The following SGCD variants were observed in gnomAD, a reference collection of about 807,000 sequenced individuals.
The protein encoded by SGCD is delta-sarcoglycan.
In SGCD, 18 loss-of-function variants were observed where a neutral mutation model predicts 36.6. The observed-to-expected ratio is 0.49, with a 90% CI of 0.34 to 0.73. The LOEUF (loss-of-function observed/expected upper bound fraction) is 0.73. Ranked by LOEUF, SGCD falls within the 30% of genes least tolerant of loss-of-function variation. The pLI is 0.01. For missense variants in SGCD, 387 were observed against 346.7 expected, an observed-to-expected ratio of 1.12 and a Z score of -0.92; for synonymous variants, 133 against 130.6, an observed-to-expected ratio of 1.02 and a Z score of -0.12.
chr5:155,766,021 GA>G, the SGCD span, among the ~76,000 whole-genome samples: 1 of 152,208 alleles, frequency 6.6e-6, no homozygotes, highest in South Asian at 2.1e-4. Context: ...ATTTTAAAGG[GA>G]TCCTACCCAT....
intron 3 of SGCD, among the ~76,000 whole-genome samples, chr5:156,223,429 G>T (rs756798826): frequency 6.6e-6 from 1 of 152,122 alleles, no homozygotes. Context: ...ATGTAAGCAA[G>T]CTGAGTTAAC....
At chr5:156,653,493 CTTTT>C (rs111458843) in intron 7 of SGCD, among the ~76,000 whole-genome samples, 6 of 48,102 alleles carry the variant, frequency 1.2e-4, no homozygotes, top group Admixed American at 7.4e-4. Context: ...CTAAAGCTTG[CTTTT>C]TTTTTTTTTT....
the SGCD span, among the ~76,000 whole-genome samples, chr5:155,730,331 C>G: frequency 9.2e-5 from 14 of 152,100 alleles, no homozygotes; most frequent in Non-Finnish European, 1.8e-4. Context: ...CTTCTTCATT[C>G]CTCGGCTTAC....
the SGCD span, among the ~76,000 whole-genome samples, chr5:155,829,314 T>C: frequency 6.7e-6 from 1 of 150,164 alleles, no homozygotes; most frequent in Non-Finnish European, 1.5e-5. Flanking sequence ...CATTGCTCCA[T>C]GTTGAAGTGA....
chr5:155,793,546 C>CT, the SGCD span, among the ~76,000 whole-genome samples: 746 of 139,564 alleles, frequency 5.3e-3, 9 homozygotes, highest in South Asian at 0.015. Context: ...GTTTTTTTTT[C>CT]TTTTTTTTTT....
intron 7 of SGCD, among the ~76,000 whole-genome samples, chr5:156,648,355 A>G (rs1227260365): frequency 2.0e-5 from 3 of 152,030 alleles, no homozygotes; most frequent in African/African-American, 7.2e-5. Flanking sequence ...GATAGACACC[A>G]ACCATAGGCA....
At chr5:155,757,067 C>T in the SGCD span, among the ~76,000 whole-genome samples, 1 of 152,182 alleles carries the variant, frequency 6.6e-6, no homozygotes, top group Non-Finnish European at 1.5e-5. Context: ...GAGGCTATAC[C>T]TGCCACTTGG....
chr5:155,929,010 C>T (rs1757049246), intron 1 of SGCD, among the ~76,000 whole-genome samples: 1 of 152,048 alleles, frequency 6.6e-6, no homozygotes. Flanking sequence ...AATATTTTCT[C>T]ATTATAATAC....
At position 156,025,386 on chromosome 5, in the gene SGCD, T is replaced by A. The variant is rs949295705; in HGVS notation, c.-281-92492T>A. Among the ~76,000 whole-genome samples, 10 of 152,212 alleles carry A rather than the reference T, an allele frequency of 6.6e-5. No individual in the cohort carries two copies. The East Asian group carries it at 1.9e-3, about 29-fold the overall frequency. On this transcript the variant is annotated intron_variant, in intron 1 of 9. Coordinates refer to the SGCD transcript ENST00000517913. ...ATCTTCTATTTGCCCAGGAAAGGTA[T>A]GAAAACTCAGATGTGAGTGAGCACT... is the stretch of plus-strand genomic sequence containing the variant.
intron 3 of SGCD, among the ~76,000 whole-genome samples, chr5:156,129,148 C>T (rs1762250266): frequency 6.6e-6 from 1 of 152,106 alleles, no homozygotes; most frequent in Admixed American, 6.6e-5. Context: ...TTAAATGATA[C>T]ACATATTAAG....
chr5:156,565,242 A>G (rs565189796), intron 4 of SGCD, among the ~76,000 whole-genome samples: 6 of 152,316 alleles, frequency 3.9e-5, no homozygotes, highest in African/African-American at 1.4e-4. Flanking sequence ...GTTTTATGAA[A>G]TGTTAGTTTC....
the SGCD span, among the ~76,000 whole-genome samples, chr5:155,768,709 A>G: frequency 1.5e-4 from 23 of 152,092 alleles, no homozygotes; most frequent in Non-Finnish European, 1.8e-4. Flanking sequence ...GCCAGGAGAG[A>G]TGAATGTTGT....
At chr5:156,210,821 C>T (rs765153303) in intron 3 of SGCD, among the ~76,000 whole-genome samples, 4 of 151,512 alleles carry the variant, frequency 2.6e-5, no homozygotes, top group Non-Finnish European at 5.9e-5. Flanking sequence ...TACAGAAGAG[C>T]ATCAAAAGAG....
At chr5:156,339,742 G>T (rs968294702) in intron 2 of SGCD, among the ~76,000 whole-genome samples, 1 of 151,938 alleles carries the variant, frequency 6.6e-6, no homozygotes, top group Admixed American at 6.6e-5. Context: ...ATTGGGATAA[G>T]AAAAAACTAA....
the SGCD span, among the ~76,000 whole-genome samples, chr5:155,845,750 T>C: frequency 7.6e-4 from 116 of 152,294 alleles, no homozygotes; most frequent in African/African-American, 2.7e-3. Flanking sequence ...CACAACCTCC[T>C]GGGAGGTGGA....
rs77843163 is a variant in SGCD at position 156,193,179 on chromosome 5, A to G, written c.-44+69160A>G. Among the ~76,000 whole-genome samples, 597 of 152,202 alleles carry G rather than the reference A, an allele frequency of 3.9e-3. 4 individuals are homozygous for G. Among genetic ancestry groups the G allele is most frequent in the African/African-American group, 0.014 (575 of 41,544 alleles). On this transcript the variant is annotated intron_variant, in intron 3 of 9. Coordinates refer to the SGCD transcript ENST00000517913. ...GTAGTCAAAGGCTAATTCTTCAAAC[A>G]TGGTTCTGAAGAAGAGCAGCTGGAC...
At chr5:156,710,362 A>C (rs747317893) in intron 7 of SGCD, among the ~76,000 whole-genome samples, 17 of 152,160 alleles carry the variant, frequency 1.1e-4, no homozygotes, top group Non-Finnish European at 1.6e-4. Context: ...ACTTTGAAAA[A>C]TACTTCCATT....
At chr5:156,185,887 G>GAGAGAGAGAGAGAGAGA (rs1763745191) in intron 3 of SGCD, among the ~76,000 whole-genome samples, 1 of 9,160 alleles carries the variant, frequency 1.1e-4, no homozygotes. Context: ...AGAGAGAGAG[G>GAGAGAGAGAGAGAGAGA]GCCATGTCTC....
rs368855099 is a variant in SGCD, at chr5:156,237,951, AT to A, written c.-43-91569del. ...GGAAAAATTAATAATGGATAAGATGATTTTTTTTTTTTTTGAGACAGAGTCT... is the reference window on the plus strand; with the variant it reads ...GGAAAAATTAATAATGGATAAGATGATTTTTTTTTTTTTGAGACAGAGTCT... On this transcript the variant is annotated intron_variant, in intron 3 of 9. Transcript: ENST00000517913. 2.6e-3 allele frequency among the ~76,000 whole-genome samples: 367 copies of A among 143,174 alleles called. 1 individual carries two copies. Among genetic ancestry groups the A allele is most frequent in the Middle Eastern group, 0.011 (3 of 276 alleles). 93.9% of individuals were successfully genotyped at this position (143,174 alleles called of 152,430 possible).
Sources: gnomAD v4.1 joint callset for allele counts (sites outside exome capture counted in the v4.1 genomes callset) on GRCh38, gnomAD v4.1.1 for gene constraint, MANE v1.5 for transcripts, NCBI Gene and HGNC (gene_info 2026-07-23, HGNC 2026-07-21) for gene names.